BABAM2: variants seen among roughly 807,000 people sequenced by gnomAD.
BABAM2 encodes BRISC and BRCA1 A complex member 2.
A neutral mutation model predicts 54.7 loss-of-function variants in BABAM2; 31 were observed. The observed-to-expected ratio is 0.57, with a 90% CI of 0.43 to 0.77. The LOEUF is 0.77. BABAM2 is among the 30% of genes least tolerant of loss of function. BABAM2 has a pLI of 0.00. For synonymous variants in BABAM2, 167 were observed against 162.9 expected (o/e 1.03, Z -0.19); for missense variants, 364 against 455.8 (o/e 0.80, Z 1.83).
intron 9 of BABAM2, 101 bp from the exon 10 acceptor site, chr2:28,244,679 C>T: frequency 9.0e-7 from 1 of 1,110,708 alleles, no homozygotes. Context: ...AAGTCAATAA[C>T]CCTGACTTCA....
chr2:28,083,483 A>G (rs1359866211), intron 6 of BABAM2, among the ~76,000 whole-genome samples: 1 of 152,172 alleles, frequency 6.6e-6, no homozygotes, highest in Non-Finnish European at 1.5e-5. Flanking sequence ...GGCCCTTTGT[A>G]TGGCTTAACA....
intron 7 of BABAM2, among the ~76,000 whole-genome samples, chr2:28,191,757 G>T (rs1382919105): frequency 2.3e-4 from 35 of 152,164 alleles, no homozygotes; most frequent in Non-Finnish European, 1.5e-5. Context: ...GGGGACAGGA[G>T]CAGTGTAGTT....
intron 4 of BABAM2, among the ~76,000 whole-genome samples, chr2:27,994,404 T>C (rs1421455056): frequency 6.6e-6 from 1 of 152,214 alleles, no homozygotes; most frequent in African/African-American, 2.4e-5. Flanking sequence ...AACACACCTG[T>C]GTAAGTAGCA....
rs1213704615 is a variant in BABAM2 at position 27,995,134 on chromosome 2, G to A, written c.300+7047G>A. Among the ~76,000 whole-genome samples, 4 of 152,150 alleles carry A rather than the reference G, an allele frequency of 2.6e-5. No homozygotes were observed. Among genetic ancestry groups the A allele is most frequent in the African/African-American group, 7.2e-5 (3 of 41,424 alleles). On this transcript the variant is annotated intron_variant, in intron 4 of 11. Coordinates refer to ENST00000379624, the MANE Select transcript of BABAM2 (RefSeq NM_199191.3). The surrounding 1 kb of genome is among the most constrained non-coding windows in gnomAD (Gnocchi z 4.1). ...TGGAGAGGGTGTGGCTGCAGGCTACGGGAAGATGAAGACCTTCACTGGGGT... is the reference window on the plus strand; with the variant it reads ...TGGAGAGGGTGTGGCTGCAGGCTACAGGAAGATGAAGACCTTCACTGGGGT...
intron 7 of BABAM2, among the ~76,000 whole-genome samples, chr2:28,217,860 C>T (rs1282087205): frequency 5.3e-5 from 8 of 152,022 alleles, no homozygotes; most frequent in South Asian, 4.2e-4. Flanking sequence ...TTACAGTGTT[C>T]GAGAAAACTA....
In BABAM2 at chr2:28,034,864, C is replaced by T. The variant is rs150581112; in HGVS notation, c.495+9444C>T. Among the ~76,000 whole-genome samples the T allele has an allele frequency of 6.3e-3, 965 of 152,232 alleles. 6 individuals carry two copies. The highest frequency in any genetic ancestry group is 7.9e-3 in the Non-Finnish European group (537 of 68,016). ...AATCTTTCAGGTTTATGGTATTTGGCAGCTTACGTAGGTCTTTAGGTATTT... is the reference window on the plus strand; with the variant it reads ...AATCTTTCAGGTTTATGGTATTTGGTAGCTTACGTAGGTCTTTAGGTATTT... On this transcript the variant is annotated intron_variant, in intron 5 of 11. Transcript: ENST00000379624.
At chr2:28,244,909 T>TATG in intron 10 of BABAM2, 47 bp downstream of exon 10, 2 of 1,532,846 alleles carry the variant, frequency 1.3e-6, no homozygotes, top group Non-Finnish European at 9.0e-7. Flanking sequence ...TTTTTAAATG[T>TATG]CCTAAACCAC....
At chr2:28,255,971 C>G (rs952509859) in intron 10 of BABAM2, among the ~76,000 whole-genome samples, 4 of 152,044 alleles carry the variant, frequency 2.6e-5, no homozygotes, top group Admixed American at 6.6e-5. Context: ...TGGCCTAGCT[C>G]AGAAGTTTTT....
chr2:28,051,358 T>C (rs189914286), intron 6 of BABAM2, among the ~76,000 whole-genome samples: 4 of 152,344 alleles, frequency 2.6e-5, no homozygotes, highest in Admixed American at 2.6e-4. Flanking sequence ...GATAATTCAC[T>C]TAATTGACAT....
intron 7 of BABAM2, among the ~76,000 whole-genome samples, chr2:28,147,731 C>T (rs1671635174): frequency 6.6e-6 from 1 of 152,182 alleles, no homozygotes; most frequent in African/African-American, 2.4e-5. Flanking sequence ...TCTCGGCCTC[C>T]CAAAGTGCTG....
chr2:28,025,632 A>C (rs1675599113), intron 5 of BABAM2: 2 of 480,342 alleles, frequency 4.2e-6, no homozygotes, highest in Non-Finnish European at 6.8e-6. Flanking sequence ...TGTAAGATTC[A>C]GAGTCTCATC....
intron 10 of BABAM2, among the ~76,000 whole-genome samples, chr2:28,266,250 G>T (rs902187608): frequency 2.0e-5 from 3 of 152,178 alleles, no homozygotes; most frequent in African/African-American, 7.2e-5. Context: ...ACCTCCCAAA[G>T]TGTTGGGATT....
At chr2:27,921,696 A>T (rs538417505) in intron 2 of BABAM2, among the ~76,000 whole-genome samples, 2 of 152,352 alleles carry the variant, frequency 1.3e-5, no homozygotes, top group African/African-American at 4.8e-5. Flanking sequence ...TAAAGAGCTT[A>T]GAATAGTGCC....
At chr2:28,141,997 AAGT>A (rs1227046875) in intron 7 of BABAM2, among the ~76,000 whole-genome samples, 1 of 152,156 alleles carries the variant, frequency 6.6e-6, no homozygotes, top group Non-Finnish European at 1.5e-5. Flanking sequence ...AGTTTGGTGT[AAGT>A]AGGCAGTGAC....
At chr2:28,268,422 A>C (rs1573967912) in intron 10 of BABAM2, among the ~76,000 whole-genome samples, 1 of 152,272 alleles carries the variant, frequency 6.6e-6, no homozygotes, top group South Asian at 2.1e-4. Flanking sequence ...CTTGTGGCTC[A>C]TGTCTTTGTT....
intron 6 of BABAM2, among the ~76,000 whole-genome samples, chr2:28,088,394 T>C (rs1392910862): frequency 2.0e-5 from 3 of 152,242 alleles, no homozygotes; most frequent in Admixed American, 6.5e-5. Context: ...CATAGTTCTT[T>C]ACAACTCCAG....
chr2:28,055,235 G>T (rs879590339), intron 6 of BABAM2, among the ~76,000 whole-genome samples: 2 of 152,108 alleles, frequency 1.3e-5, no homozygotes, highest in Non-Finnish European at 2.9e-5. Flanking sequence ...ATACAAAAAA[G>T]GGAGAAATAG....
intron 7 of BABAM2, among the ~76,000 whole-genome samples, chr2:28,178,024 A>T (rs764478407): frequency 1.3e-5 from 2 of 152,162 alleles, no homozygotes; most frequent in Non-Finnish European, 2.9e-5. Flanking sequence ...CTAAAGGGAG[A>T]GATAGACTCC....
chr2:28,290,302 G>T (rs1439470928), intron 10 of BABAM2, among the ~76,000 whole-genome samples: 3 of 151,924 alleles, frequency 2.0e-5, no homozygotes, highest in Admixed American at 1.3e-4. Flanking sequence ...CTTCTCCTGC[G>T]ATCTTTTTAC....
Sources: allele counts gnomAD v4.1 joint callset (sites outside exome capture counted in the v4.1 genomes callset), GRCh38; gene constraint gnomAD v4.1.1; non-coding constraint Gnocchi (gnomAD v3.1); transcripts MANE v1.5; gene names NCBI Gene and HGNC (gene_info 2026-07-23, HGNC 2026-07-21).